MYO5A: variants seen among roughly 807,000 people sequenced by gnomAD.
The protein encoded by MYO5A is myosin VA.
In MYO5A, 98 loss-of-function variants were observed where a neutral mutation model predicts 249.7. That is an observed-to-expected ratio of 0.39 (90% CI 0.33 to 0.46). The LOEUF (loss-of-function observed/expected upper bound fraction) is 0.46. Among genes scored for constraint, MYO5A ranks in the 20% least tolerant of loss-of-function variants. MYO5A has a pLI of 0.98. For synonymous variants in MYO5A, 778 were observed against 810.6 expected (o/e 0.96, Z 0.68); for missense variants, 1,696 against 2,308.8 (o/e 0.73, Z 5.44).
intron 1 of MYO5A, among the ~76,000 whole-genome samples, chr15:52,470,472 AG>A (rs1329883183): frequency 6.6e-6 from 1 of 151,650 alleles, no homozygotes; most frequent in Admixed American, 6.6e-5. Flanking sequence ...ACCAACATGG[AG>A]AAACTCCGTC....
chr15:52,426,670 GCCCAGGCTTGAACT>G (rs2075402144), intron 3 of MYO5A, among the ~76,000 whole-genome samples: 1 of 152,068 alleles, frequency 6.6e-6, no homozygotes, highest in South Asian at 2.1e-4. Context: ...TTGCCATGTT[GCCCAGGCTTGAACT>G]CCTGGGCTCA....
At chr15:52,355,464 C>T (rs2040172257) in intron 25 of MYO5A, among the ~76,000 whole-genome samples, 1 of 152,172 alleles carries the variant, frequency 6.6e-6, no homozygotes, top group Admixed American at 6.5e-5. Context: ...TGGCTGTGTC[C>T]CCACTAAGAA....
At chr15:52,384,065 C>G in intron 15 of MYO5A, 96 bp downstream of exon 15, 5 of 1,497,262 alleles carry the variant, frequency 3.3e-6, no homozygotes, top group Non-Finnish European at 4.6e-6. Context: ...CTCTCCTCAC[C>G]TGAGGATCCC....
At chr15:52,316,605 G>T (rs1439718312) in intron 40 of MYO5A, among the ~76,000 whole-genome samples, 1 of 152,156 alleles carries the variant, frequency 6.6e-6, no homozygotes, top group Admixed American at 6.5e-5. Flanking sequence ...GCCTTGAGAT[G>T]GAGGCTTAAT....
intron 1 of MYO5A, among the ~76,000 whole-genome samples, chr15:52,511,829 G>C (rs2077394705): frequency 6.6e-6 from 1 of 152,108 alleles, no homozygotes; most frequent in Non-Finnish European, 1.5e-5. Flanking sequence ...TGATATTTCT[G>C]TTTGTTTTTT....
intron 11 of MYO5A, among the ~76,000 whole-genome samples, chr15:52,395,588 T>A (rs1817338181): frequency 6.6e-6 from 1 of 152,160 alleles, no homozygotes; most frequent in Admixed American, 6.5e-5. Flanking sequence ...TCCAACTCAT[T>A]TAATCCATAA....
At chr15:52,424,142 G>GA (rs1368262206) in intron 4 of MYO5A, among the ~76,000 whole-genome samples, 1 of 151,968 alleles carries the variant, frequency 6.6e-6, no homozygotes, top group Non-Finnish European at 1.5e-5. Context: ...CAACTTAAGG[G>GA]AAAAAAATCA....
Position 52,351,435 on chromosome 15 carries a change from T to C in MYO5A, c.3668A>G (p.Asn1223Ser). The C allele has an allele frequency of 6.2e-7, 1 of 1,614,216 alleles. No individual in the cohort carries two copies. The highest frequency in any genetic ancestry group is 8.5e-7 in the Non-Finnish European group (1 of 1,180,026). The change falls in exon 28 of 42, where the codon AAT becomes AGT. Residue 1223 changes from asparagine (N) to serine (S), a missense_variant. Around this residue, in one of 5 missense-constraint regions of MYO5A, gnomAD observed 625 missense variants for 908.1 expected, o/e 0.69. Coordinates refer to ENST00000399233, the MANE Select transcript of MYO5A (RefSeq NM_001382347.1). ...CTCACTGAGGGCCTTGCGCAACTCA[T>C]TTAGCTCATTCTTCAGTTTTTTGTT... Reference protein sequence around the residue: ...SENKKLKNELNELRKALSEKS... With the variant: ...SENKKLKNELSELRKALSEKS...
At chr15:52,402,180 G>A (rs1256483598) in intron 9 of MYO5A, among the ~76,000 whole-genome samples, 1 of 152,174 alleles carries the variant, frequency 6.6e-6, no homozygotes, top group Non-Finnish European at 1.5e-5. Context: ...TATATTTTCT[G>A]TATGTAGTTT....
intron 30 of MYO5A, among the ~76,000 whole-genome samples, chr15:52,344,492 A>G (rs188110918): frequency 1.3e-5 from 2 of 152,282 alleles, no homozygotes; most frequent in East Asian, 3.9e-4. Context: ...CATTCAATAA[A>G]CCAAACAGCT....
intron 4 of MYO5A, among the ~76,000 whole-genome samples, chr15:52,419,515 G>C (rs1174695835): frequency 2.0e-5 from 3 of 152,072 alleles, no homozygotes; most frequent in Non-Finnish European, 2.9e-5. Flanking sequence ...ATAAGAAAAT[G>C]CTTAAACCCT....
chr15:52,505,044 G>A (rs575507329), intron 1 of MYO5A: 10 of 499,090 alleles, frequency 2.0e-5, no homozygotes, highest in East Asian at 1.5e-4. Flanking sequence ...CATTATCTTC[G>A]GGAGCTGTGG....
chr15:52,513,040 T>C (rs2077424805), intron 1 of MYO5A, among the ~76,000 whole-genome samples: 1 of 151,086 alleles, frequency 6.6e-6, no homozygotes, highest in Non-Finnish European at 1.5e-5. Context: ...TCCAGATGAT[T>C]GCTACACATA....
chr15:52,375,751 CATTCTT>C (rs1312751416), intron 19 of MYO5A, among the ~76,000 whole-genome samples: 1 of 152,218 alleles, frequency 6.6e-6, no homozygotes, highest in African/African-American at 2.4e-5. Context: ...CACAAAAATT[CATTCTT>C]TCTACAACAG....
intron 1 of MYO5A, among the ~76,000 whole-genome samples, chr15:52,498,985 G>A (rs958635563): frequency 5.3e-5 from 8 of 152,198 alleles, no homozygotes; most frequent in Admixed American, 2.0e-4. Flanking sequence ...TCAAATGTAA[G>A]ATATCATTTA....
At position 52,428,563 on chromosome 15, in the gene MYO5A, C is replaced by T. The variant is rs1312021115; in HGVS notation, c.145G>A (p.Glu49Lys). The T allele has an allele frequency of 2.5e-6, 4 of 1,614,074 alleles. 1 individual carries two copies. The South Asian group carries it at 4.4e-5, about 18-fold the overall frequency. Residue 49 changes from glutamate (E) to lysine (K), a missense_variant, in exon 3 of 42, where the codon GAA becomes AAA. Glu to Lys is a moderately conservative substitution (Grantham distance 56, BLOSUM62 1). Coordinates refer to ENST00000399233, the MANE Select transcript of MYO5A (RefSeq NM_001382347.1). ...LLHLEEGKDLEYHLDPKTKEL... is the reference protein window; with the variant it reads ...LLHLEEGKDLKYHLDPKTKEL... The stretch of plus-strand genomic sequence containing the variant: ...TTGGTCTTTGGATCTAGATGGTATT[C>T]CAAATCCTGAAAATGCACAAGGCAC...
intron 22 of MYO5A, among the ~76,000 whole-genome samples, chr15:52,368,148 T>C (rs1457417830): frequency 2.0e-5 from 3 of 152,144 alleles, no homozygotes; most frequent in Non-Finnish European, 2.9e-5. Flanking sequence ...TCTTGTCATG[T>C]CAGGGGGTTT....
At chr15:52,489,491 G>A (rs2076892173) in intron 1 of MYO5A, among the ~76,000 whole-genome samples, 1 of 151,798 alleles carries the variant, frequency 6.6e-6, no homozygotes, top group Non-Finnish European at 1.5e-5. Flanking sequence ...TTGAACCCAG[G>A]AGGCAGAGGT....
intron 1 of MYO5A, among the ~76,000 whole-genome samples, chr15:52,520,436 A>G (rs916733888): frequency 6.6e-6 from 1 of 152,198 alleles, no homozygotes; most frequent in African/African-American, 2.4e-5. Context: ...CAGTGCTGTA[A>G]GATCATGTGA....
Sources: allele counts gnomAD v4.1 joint callset (sites outside exome capture counted in the v4.1 genomes callset), GRCh38; gene constraint gnomAD v4.1.1; regional missense constraint gnomAD v4.1.1; transcripts MANE v1.5; gene names NCBI Gene and HGNC (gene_info 2026-07-23, HGNC 2026-07-21).